The following KIF26B variants were observed in gnomAD, a reference collection of about 807,000 sequenced individuals.
KIF26B encodes kinesin-like protein KIF26B.
KIF26B carries 63 observed loss-of-function variants against 151.2 expected under a neutral mutation model. The ratio of observed to expected loss-of-function variants is 0.42; its 90% confidence interval spans 0.34 to 0.51. The LOEUF is 0.51. Among genes scored for constraint, KIF26B ranks in the 20% least tolerant of loss-of-function variants. The pLI is 0.07. For missense variants in KIF26B, 2,813 were observed against 2,913.6 expected, an observed-to-expected ratio of 0.97 and a Z score of 0.79; for synonymous variants, 1,357 against 1,262.1, an observed-to-expected ratio of 1.08 and a Z score of -1.59.
rs1359786100 is a variant in KIF26B, at chr1:245,607,740, A to C, written c.1647A>C (p.Lys549Asn). The change falls in exon 7 of 15, where the codon AAA (lysine) becomes AAC (asparagine). Residue 549 changes from lysine (K) to asparagine (N), a missense_variant. Physicochemically the swap from Lys to Asn is moderately conservative, Grantham distance 94 (BLOSUM62 0). This residue lies in a region of KIF26B where 77 missense variants were observed against 136.9 expected (regional missense o/e 0.56). Transcript: ENST00000407071. ...DGCVFCFGHA[K>N]LGKSYTMIGK... is the part of the protein sequence containing the mutation. ...GCGTGTTCTGTTTCGGCCACGCCAA[A>C]CTGGGTTCGTGAGAGTTTCACTTTC... The C allele has an allele frequency of 6.2e-7, 1 of 1,611,220 alleles. No individual in the cohort carries two copies. The highest frequency in any genetic ancestry group is 1.7e-5 in the Admixed American group (1 of 59,702).
intron 5 of KIF26B, among the ~76,000 whole-genome samples, chr1:245,582,818 C>A (rs1268937632): frequency 1.3e-5 from 2 of 152,214 alleles, no homozygotes; most frequent in African/African-American, 4.8e-5. Context: ...TAGAGGGCAG[C>A]TGTCAGGATT....
At chr1:245,178,606 T>C (rs145707713) in intron 2 of KIF26B, among the ~76,000 whole-genome samples, 1 of 152,208 alleles carries the variant, frequency 6.6e-6, no homozygotes, top group Non-Finnish European at 1.5e-5. Flanking sequence ...AAACTCCAAA[T>C]GCATTAAGCA....
Position 245,611,775 on chromosome 1 carries a change from T to A in KIF26B, c.1915-18T>A. On this transcript the variant is annotated intron_variant, in intron 8 of 14. Transcript: ENST00000407071. ...CCTCCTCAGCCTGCAGCCTCATCTC[T>A]TGGCTTCTGTCTTCCAGCTGCAGAA... 3 of 1,611,316 alleles carry A rather than the reference T, an allele frequency of 1.9e-6. No individual in the cohort carries two copies. The highest frequency in any genetic ancestry group is 2.5e-6 in the Non-Finnish European group (3 of 1,179,178).
chr1:245,415,236 CAG>C (rs1412159958), intron 3 of KIF26B, among the ~76,000 whole-genome samples: 1 of 152,150 alleles, frequency 6.6e-6, no homozygotes, highest in Non-Finnish European at 1.5e-5. Context: ...AAAAACAACT[CAG>C]AGACACACTG....
At chr1:245,592,547 T>C (rs2043299933) in intron 5 of KIF26B, among the ~76,000 whole-genome samples, 1 of 152,170 alleles carries the variant, frequency 6.6e-6, no homozygotes, top group Middle Eastern at 3.2e-3. Context: ...TTGTAAAACT[T>C]GTAAAGAAGT....
Position 245,703,598 on chromosome 1 carries a change from C to CATT in KIF26B, c.*993_*995dup, listed in dbSNP as rs1317939033. ...TTGCGTGGCCCTCAAAATTCATATT[C>CATT]ATTTTTATTCCAAAAAGTCTTGAAC... On this transcript the variant is annotated 3_prime_UTR_variant, in exon 15 of 15. Transcript: ENST00000407071. The CATT allele has an allele frequency of 6.6e-6, 1 of 152,206 alleles. No homozygotes were observed. Among genetic ancestry groups the CATT allele is most frequent in the Non-Finnish European group, 1.5e-5 (1 of 68,038 alleles). 9.4% of individuals were successfully genotyped at this position (152,206 alleles called of 1,614,324 possible).
intron 5 of KIF26B, among the ~76,000 whole-genome samples, chr1:245,566,033 G>A (rs115876276): frequency 0.061 from 9,247 of 152,308 alleles, 360 homozygotes; most frequent in Middle Eastern, 0.16. Context: ...AACTGAGCGA[G>A]AGCTCACTGA....
At chr1:245,561,816 A>G (rs1234427735) in intron 5 of KIF26B, among the ~76,000 whole-genome samples, 5 of 152,138 alleles carry the variant, frequency 3.3e-5, no homozygotes, top group Non-Finnish European at 5.9e-5. Flanking sequence ...CTTAACAACT[A>G]TCGTAGGTGT....
chr1:245,293,883 CTT>C (rs968973671), intron 2 of KIF26B, among the ~76,000 whole-genome samples: 1 of 152,120 alleles, frequency 6.6e-6, no homozygotes, highest in Admixed American at 6.5e-5. Context: ...CAGCCGATTT[CTT>C]TTTATTTTTT....
At chr1:245,448,829 TAACTA>T (rs1213773770) in intron 4 of KIF26B, among the ~76,000 whole-genome samples, 2 of 152,240 alleles carry the variant, frequency 1.3e-5, no homozygotes, top group South Asian at 2.1e-4. Context: ...ATAACTTTGA[TAACTA>T]AACATTTACT....
At chr1:245,417,892 A>G (rs1197364689) in intron 3 of KIF26B, among the ~76,000 whole-genome samples, 3 of 152,196 alleles carry the variant, frequency 2.0e-5, no homozygotes, top group Non-Finnish European at 4.4e-5. Flanking sequence ...GATGAGAAAT[A>G]TGGTAATGAA....
intron 5 of KIF26B, among the ~76,000 whole-genome samples, chr1:245,600,982 T>C (rs1301358341): frequency 2.0e-5 from 3 of 152,200 alleles, no homozygotes; most frequent in Non-Finnish European, 4.4e-5. Flanking sequence ...GGGCAAGTTA[T>C]ATAACACAGT....
At chr1:245,472,626 T>C (rs902538735) in intron 4 of KIF26B, among the ~76,000 whole-genome samples, 8 of 152,322 alleles carry the variant, frequency 5.3e-5, no homozygotes, top group Middle Eastern at 6.8e-3. Context: ...AGTGATCTTA[T>C]GTAGTATTTT....
intron 4 of KIF26B, among the ~76,000 whole-genome samples, chr1:245,490,575 T>A: frequency 6.6e-6 from 1 of 152,266 alleles, no homozygotes; most frequent in African/African-American, 2.4e-5. Flanking sequence ...CCACCCAAAG[T>A]GCTGGAATTA....
intron 2 of KIF26B, among the ~76,000 whole-genome samples, chr1:245,255,583 C>T (rs1268791638): frequency 6.6e-6 from 1 of 152,184 alleles, no homozygotes; most frequent in Non-Finnish European, 1.5e-5. Context: ...CCCTTTACAA[C>T]CCACTGCCCA....
At chr1:245,520,076 T>C (rs900683698) in intron 4 of KIF26B, among the ~76,000 whole-genome samples, 3 of 147,374 alleles carry the variant, frequency 2.0e-5, no homozygotes, top group African/African-American at 5.0e-5. Flanking sequence ...AAAAATTAAA[T>C]TTTCGTAGTG....
chr1:245,679,300 G>C (rs761039690), intron 10 of KIF26B, among the ~76,000 whole-genome samples: 6 of 152,100 alleles, frequency 3.9e-5, no homozygotes, highest in Non-Finnish European at 8.8e-5. Context: ...CCCTGTGCCT[G>C]AGTGATAACA....
intron 3 of KIF26B, among the ~76,000 whole-genome samples, chr1:245,404,865 T>G (rs1674095952): frequency 6.6e-6 from 1 of 152,156 alleles, no homozygotes; most frequent in African/African-American, 2.4e-5. Flanking sequence ...AAAAAAGAAT[T>G]TGGAGTTTAG....
Position 245,687,755 on chromosome 1 carries a change from G to A in KIF26B, c.4772G>A (p.Arg1591Gln). ...TCCCCCAAGCACTGTGTTCTGGCTC[G>A]GCCCAAAGGGACTCCCCCTCTGCCC... ...VASPKHCVLA[R>Q]PKGTPPLPPV... Residue 1591 changes from arginine (R) to glutamine (Q), a missense_variant, in exon 12 of 15, where the codon CGG (arginine) becomes CAG (glutamine). Arg to Gln is a conservative substitution (Grantham distance 43, BLOSUM62 1). This residue lies in a region of KIF26B where 2,060 missense variants were observed against 2,088.6 expected (regional missense o/e 0.99). Coordinates refer to ENST00000407071, the MANE Select transcript of KIF26B (RefSeq NM_018012.4). The surrounding 1 kb of genome is among the most constrained non-coding windows in gnomAD (Gnocchi z 4.9). The A allele has an allele frequency of 6.3e-7, 1 of 1,578,448 alleles. No homozygotes were observed. The highest frequency in any genetic ancestry group is 8.6e-7 in the Non-Finnish European group (1 of 1,162,668).
Sources: allele counts gnomAD v4.1 joint callset (sites outside exome capture counted in the v4.1 genomes callset), GRCh38; gene constraint gnomAD v4.1.1; regional missense constraint gnomAD v4.1.1; non-coding constraint Gnocchi (gnomAD v3.1); transcripts MANE v1.5; gene names NCBI Gene and HGNC (gene_info 2026-07-23, HGNC 2026-07-21).